NSD1: variants seen among roughly 807,000 people sequenced by gnomAD.
The protein encoded by NSD1 is histone-lysine N-methyltransferase, H3 lysine-36 specific.
Under a neutral mutation model 242.7 loss-of-function variants are expected in NSD1, and 26 were observed. The ratio of observed to expected loss-of-function variants is 0.11; its 90% confidence interval spans 0.08 to 0.15. The LOEUF is 0.15. Ranked by LOEUF, NSD1 falls within the 10% of genes least tolerant of loss-of-function variation. The pLI is 1.00. For missense variants in NSD1, 2,495 were observed against 3,272.8 expected (o/e 0.76, Z 5.80); for synonymous variants, 1,106 against 1,178.1 (o/e 0.94, Z 1.25).
intron 2 of NSD1, among the ~76,000 whole-genome samples, chr5:177,148,373 C>T (rs528884631): frequency 6.6e-6 from 1 of 152,250 alleles, no homozygotes; most frequent in Non-Finnish European, 1.5e-5. Flanking sequence ...CCTCCTCAGC[C>T]TCCCAAAGTG....
intron 2 of NSD1, among the ~76,000 whole-genome samples, chr5:177,170,554 T>C (rs1449314284): frequency 1.3e-5 from 2 of 152,072 alleles, no homozygotes; most frequent in African/African-American, 2.4e-5. Flanking sequence ...GGTTTCACCA[T>C]GTTGCCCAGG....
intron 2 of NSD1, among the ~76,000 whole-genome samples, chr5:177,137,619 C>T (rs1756447793): frequency 6.6e-6 from 1 of 152,082 alleles, no homozygotes. Flanking sequence ...TCAGACAAAT[C>T]CTTTTTCTTG....
At position 177,260,270 on chromosome 5, in the gene NSD1, T is replaced by C. The variant is rs887666998; in HGVS notation, c.5146+102T>C. 4.5e-6 allele frequency: 5 copies of C among 1,102,844 alleles called. No homozygotes were observed. The African/African-American group carries it at 6.3e-5, about 14-fold the overall frequency. 68.3% of individuals were successfully genotyped at this position (1,102,844 alleles called of 1,614,324 possible). A position where few individuals can be genotyped will look rare whatever the true frequency, so the allele number is the denominator to read the frequency against. On this transcript the variant is annotated intron_variant, in intron 14 of 22. Coordinates refer to ENST00000439151, the MANE Select transcript of NSD1 (RefSeq NM_022455.5). ...TTCATCATATTGCCACTGGAAAAAA[T>C]ATTAGAAATGATACTATTCATCTGC...
At chr5:177,151,650 A>G (rs1757708611) in intron 2 of NSD1, among the ~76,000 whole-genome samples, 2 of 150,974 alleles carry the variant, frequency 1.3e-5, no homozygotes, top group South Asian at 2.1e-4. Flanking sequence ...CGGCTTCCCA[A>G]AGTGCTGGGA....
At chr5:177,235,621 A>G (rs1765382474) in intron 5 of NSD1, among the ~76,000 whole-genome samples, 200 bp from the exon 6 acceptor site, 1 of 152,176 alleles carries the variant, frequency 6.6e-6, no homozygotes, top group Non-Finnish European at 1.5e-5. Flanking sequence ...AAGGTAACAC[A>G]AGTCCTTTTG....
rs535398232 is a variant in NSD1 at position 177,276,385 on chromosome 5, C to T, written c.5622+2601C>T. Among the ~76,000 whole-genome samples the T allele has an allele frequency of 1.8e-4, 27 of 150,406 alleles. No homozygotes were observed. In the South Asian group the frequency reaches 3.1e-3, roughly 18 times the overall value. Reference sequence around the variant, plus strand: ...TGTTGCCCAGGCTGGGGTGCAGTGGCGTGGTCTCAGCTCACTGCAACCTCC... The same window carrying T: ...TGTTGCCCAGGCTGGGGTGCAGTGGTGTGGTCTCAGCTCACTGCAACCTCC... On this transcript the variant is annotated intron_variant, in intron 17 of 22. Transcript: ENST00000439151.
At chr5:177,192,688 C>T (rs936731454) in intron 3 of NSD1, among the ~76,000 whole-genome samples, 4 of 152,116 alleles carry the variant, frequency 2.6e-5, no homozygotes, top group Non-Finnish European at 4.4e-5. Context: ...GAGCCCTGCA[C>T]CAGGCCTAAT....
chr5:177,289,959 C>A (rs1423518598), intron 21 of NSD1, among the ~76,000 whole-genome samples: 3 of 151,348 alleles, frequency 2.0e-5, no homozygotes, highest in Non-Finnish European at 4.4e-5. Flanking sequence ...TCCTGAGTAG[C>A]TGGAACTACA....
intron 2 of NSD1, among the ~76,000 whole-genome samples, chr5:177,178,522 G>A (rs951100682): frequency 4.6e-5 from 7 of 152,010 alleles, no homozygotes; most frequent in Admixed American, 6.6e-5. Context: ...CACCGCACCC[G>A]GCCTTTAATA....
intron 5 of NSD1, among the ~76,000 whole-genome samples, chr5:177,234,711 G>A (rs1289815196): frequency 2.0e-5 from 3 of 151,990 alleles, no homozygotes; most frequent in South Asian, 2.1e-4. Context: ...GTGAGCCCCC[G>A]TCTCAAAAAA....
intron 2 of NSD1, among the ~76,000 whole-genome samples, chr5:177,181,413 T>C (rs972112498): frequency 6.8e-6 from 1 of 146,234 alleles, no homozygotes; most frequent in African/African-American, 2.6e-5. Context: ...AACTTCATTA[T>C]GGGTTTTTTT....
intron 17 of NSD1, among the ~76,000 whole-genome samples, chr5:177,278,349 A>G (rs954197846): frequency 1.3e-5 from 2 of 152,132 alleles, no homozygotes; most frequent in African/African-American, 2.4e-5. Flanking sequence ...GGCTCAAACA[A>G]TCCTCCAGTC....
At chr5:177,178,094 C>T (rs1760355754) in intron 2 of NSD1, among the ~76,000 whole-genome samples, 1 of 151,804 alleles carries the variant, frequency 6.6e-6, no homozygotes. Flanking sequence ...ACAGTTTCAT[C>T]ATGTTGGCCA....
In NSD1 at chr5:177,211,400, G is replaced by T. The variant is rs139323440; in HGVS notation, c.3001G>T (p.Asp1001Tyr). Residue 1001 changes from aspartate to tyrosine, a missense_variant, in exon 5 of 23, where the codon GAC (aspartate) becomes TAC (tyrosine). Physicochemically the swap from Asp to Tyr is radical, Grantham distance 160. Transcript: ENST00000439151. ...LSASLPGLLS[D>Y]KRDLPASGKS... ...TGCTTCCCTACCTGGCTTACTGTCCGACAAGAGAGACCTCCCTGCTTCTGG... is the reference window on the plus strand; with the variant it reads ...TGCTTCCCTACCTGGCTTACTGTCCTACAAGAGAGACCTCCCTGCTTCTGG... 1.9e-6 allele frequency: 3 copies of T among 1,613,990 alleles called. No individual in the cohort carries two copies. In the South Asian group the frequency reaches 3.3e-5, roughly 18 times the overall value.
At chr5:177,221,684 T>C (rs1421339022) in intron 5 of NSD1, among the ~76,000 whole-genome samples, 1 of 152,192 alleles carries the variant, frequency 6.6e-6, no homozygotes, top group Non-Finnish European at 1.5e-5. Flanking sequence ...TCGGCCAGGC[T>C]GGACTCGAAC....
chr5:177,264,510 A>G (rs149756321), intron 14 of NSD1, among the ~76,000 whole-genome samples: 14 of 152,366 alleles, frequency 9.2e-5, no homozygotes, highest in East Asian at 7.7e-4. Flanking sequence ...ACATATTGCA[A>G]CATAATTGTT....
intron 2 of NSD1, among the ~76,000 whole-genome samples, chr5:177,166,261 T>G (rs1444577245): frequency 6.6e-6 from 1 of 151,842 alleles, no homozygotes; most frequent in Admixed American, 6.6e-5. Flanking sequence ...AAGTTTTGCT[T>G]TTAGGGTTGG....
intron 2 of NSD1, among the ~76,000 whole-genome samples, chr5:177,150,321 G>A (rs1288283721): frequency 6.6e-6 from 1 of 151,988 alleles, no homozygotes; most frequent in Non-Finnish European, 1.5e-5. Flanking sequence ...TGTAGAGACA[G>A]GTTTTCACTG....
intron 5 of NSD1, among the ~76,000 whole-genome samples, chr5:177,225,901 A>G (rs1581374483): frequency 6.6e-6 from 1 of 152,194 alleles, no homozygotes; most frequent in East Asian, 1.9e-4. Context: ...TACTCAGTGT[A>G]TGAATTACCA....
Sources: gnomAD v4.1 joint callset for allele counts (sites outside exome capture counted in the v4.1 genomes callset) on GRCh38, gnomAD v4.1.1 for gene constraint, MANE v1.5 for transcripts, NCBI Gene and HGNC (gene_info 2026-07-23, HGNC 2026-07-21) for gene names.